The following IMMP2L variants were observed in gnomAD, a reference collection of about 807,000 sequenced individuals.
IMMP2L encodes the protein inner mitochondrial membrane peptidase subunit 2, also known as mitochondrial inner membrane protease subunit 2.
IMMP2L carries 18 observed loss-of-function variants against 19.3 expected under a neutral mutation model. That is an observed-to-expected ratio of 0.93 (90% CI 0.64 to 1.38). The LOEUF (loss-of-function observed/expected upper bound fraction) is 1.38. Among genes scored for constraint, IMMP2L ranks in the 40% most tolerant of loss-of-function variants. The pLI, the probability that IMMP2L is intolerant of heterozygous loss-of-function variation, is 0.00. For missense variants in IMMP2L, 233 were observed against 218.2 expected (o/e 1.07, Z -0.43); for synonymous variants, 76 against 73.0 (o/e 1.04, Z -0.21).
chr7:110,823,300 C>T (rs920867418), intron 5 of IMMP2L, among the ~76,000 whole-genome samples: 1 of 151,904 alleles, frequency 6.6e-6, no homozygotes, highest in Non-Finnish European at 1.5e-5. Flanking sequence ...AACCTAACTC[C>T]TATATTATAA....
At chr7:111,364,634 CAAA>C (rs112108805) in intron 3 of IMMP2L, among the ~76,000 whole-genome samples, 6 of 62,630 alleles carry the variant, frequency 9.6e-5, no homozygotes, top group Non-Finnish European at 1.3e-4. Flanking sequence ...GACTCGGTCT[CAAA>C]AAAAAAAAAA....
intron 5 of IMMP2L, among the ~76,000 whole-genome samples, chr7:110,741,045 T>C (rs1214064540): frequency 3.3e-5 from 5 of 152,176 alleles, no homozygotes; most frequent in Admixed American, 3.3e-4. Flanking sequence ...TGCATGTTTA[T>C]AGCAGCACAA....
chr7:111,545,322 A>G (rs1392461296), intron 1 of IMMP2L, among the ~76,000 whole-genome samples: 1 of 152,130 alleles, frequency 6.6e-6, no homozygotes, highest in African/African-American at 2.4e-5. Context: ...GGCCATTTGT[A>G]TATTTTCTTT....
chr7:111,314,484 A>G (rs1488199554), intron 3 of IMMP2L, among the ~76,000 whole-genome samples: 1 of 152,162 alleles, frequency 6.6e-6, no homozygotes, highest in Non-Finnish European at 1.5e-5. Context: ...TTTTTAATTT[A>G]AATTTTAGAA....
At chr7:111,115,986 G>A (rs1799837655) in intron 3 of IMMP2L, among the ~76,000 whole-genome samples, 1 of 152,060 alleles carries the variant, frequency 6.6e-6, no homozygotes, top group African/African-American at 2.4e-5. Context: ...CGGAATTATT[G>A]TTTAAAGAAA....
intron 3 of IMMP2L, among the ~76,000 whole-genome samples, chr7:111,485,588 ACT>A (rs1201079513): frequency 1.1e-5 from 1 of 90,830 alleles, no homozygotes; most frequent in Non-Finnish European, 1.9e-5. Flanking sequence ...ACAGAGCGAG[ACT>A]CTGTTTCAAA....
At chr7:111,078,776 C>T (rs1011890139) in intron 3 of IMMP2L, among the ~76,000 whole-genome samples, 1 of 151,952 alleles carries the variant, frequency 6.6e-6, no homozygotes, top group African/African-American at 2.4e-5. Context: ...TGTCACCCAG[C>T]CTGAAGTGCA....
chr7:111,105,170 GAAGTGCCCTTTA>G lies in IMMP2L; in HGVS notation c.240-141617_240-141606del, dbSNP rs1785765853. 2.0e-5 allele frequency among the ~76,000 whole-genome samples: 3 copies of G among 151,778 alleles called. 1 individual carries two copies. Among genetic ancestry groups the G allele is most frequent in the Admixed American group, 2.0e-4 (3 of 15,202 alleles). On this transcript the variant is annotated intron_variant, in intron 3 of 5. Transcript: ENST00000405709. ...CAAATAAAATAACCACAAAACCTTT[GAAGTGCCCTTTA>G]AAAATTAATTTGATTCTTCTTCATG...
intron 3 of IMMP2L, among the ~76,000 whole-genome samples, chr7:111,331,888 C>T (rs1363709232): frequency 2.0e-5 from 3 of 151,734 alleles, no homozygotes; most frequent in Admixed American, 6.6e-5. Flanking sequence ...AAGGAATCTA[C>T]TAGAAGATGA....
chr7:110,942,847 T>C (rs941861601), intron 4 of IMMP2L, among the ~76,000 whole-genome samples: 2 of 152,018 alleles, frequency 1.3e-5, no homozygotes, highest in African/African-American at 4.8e-5. Context: ...TATACTGCTA[T>C]AGATATCCAG....
chr7:111,484,589 A>G (rs10240603), intron 3 of IMMP2L, among the ~76,000 whole-genome samples: 2 of 152,026 alleles, frequency 1.3e-5, no homozygotes, highest in Admixed American at 1.3e-4. Flanking sequence ...GGATGTTCCA[A>G]TGTAGTAACA....
At chr7:111,376,732 G>A (rs2131168750) in intron 3 of IMMP2L, among the ~76,000 whole-genome samples, 1 of 152,212 alleles carries the variant, frequency 6.6e-6, no homozygotes, top group East Asian at 1.9e-4. Context: ...GGAATAAAAA[G>A]TAGTGATACA....
At chr7:111,241,618 T>C (rs1815049627) in intron 3 of IMMP2L, among the ~76,000 whole-genome samples, 1 of 151,896 alleles carries the variant, frequency 6.6e-6, no homozygotes, top group African/African-American at 2.4e-5. Flanking sequence ...AAAATGCAAC[T>C]TGTTATGGCA....
chr7:111,410,352 C>T (rs965327328), intron 3 of IMMP2L, among the ~76,000 whole-genome samples: 2 of 151,392 alleles, frequency 1.3e-5, no homozygotes, highest in African/African-American at 2.4e-5. Context: ...AATTTAAATG[C>T]CTACCAAAAA....
At chr7:110,828,034 G>T (rs936544696) in intron 5 of IMMP2L, among the ~76,000 whole-genome samples, 1 of 152,076 alleles carries the variant, frequency 6.6e-6, no homozygotes. Flanking sequence ...AAACTAAAAA[G>T]ACTGTTCTCA....
Position 111,425,927 on chromosome 7 carries a change from T to C in IMMP2L, c.239+61311A>G, listed in dbSNP as rs367613544. ...CTCCTTCATTTATTCCACAAATACA[T>C]GTCAAAGACCTCTAAGAAGCAGATG... On this transcript the variant is annotated intron_variant, in intron 3 of 5. Coordinates refer to ENST00000405709, the MANE Select transcript of IMMP2L (RefSeq NM_032549.4). Among the ~76,000 whole-genome samples the C allele has an allele frequency of 1.4e-4, 21 of 151,280 alleles. 1 individual carries two copies. In the East Asian group the frequency reaches 3.3e-3, roughly 24 times the overall value.
At chr7:110,805,362 C>A (rs1470012056) in intron 5 of IMMP2L, among the ~76,000 whole-genome samples, 1 of 151,888 alleles carries the variant, frequency 6.6e-6, no homozygotes, top group Non-Finnish European at 1.5e-5. Flanking sequence ...TTAACAGAAC[C>A]TAGAAAAAAT....
At chr7:111,471,767 A>G (rs1841297096) in intron 3 of IMMP2L, among the ~76,000 whole-genome samples, 1 of 152,148 alleles carries the variant, frequency 6.6e-6, no homozygotes, top group Non-Finnish European at 1.5e-5. Flanking sequence ...TCTAGAATAA[A>G]TACTAAACTG....
intron 5 of IMMP2L, among the ~76,000 whole-genome samples, chr7:110,702,095 A>AT (rs575048817): frequency 1.6e-3 from 232 of 146,652 alleles, no homozygotes; most frequent in African/African-American, 4.8e-3. Flanking sequence ...ATCCCAGCTA[A>AT]TTTTTTTTTT....
Sources: gnomAD v4.1 joint callset for allele counts (sites outside exome capture counted in the v4.1 genomes callset) on GRCh38, gnomAD v4.1.1 for gene constraint, MANE v1.5 for transcripts, NCBI Gene and HGNC (gene_info 2026-07-23, HGNC 2026-07-21) for gene names.